The following EIF2B3 variants were observed in gnomAD, a reference collection of about 807,000 sequenced individuals.
EIF2B3 encodes translation initiation factor eIF2B subunit gamma.
In EIF2B3, 20 loss-of-function variants were observed where a neutral mutation model predicts 54.1. The ratio of observed to expected loss-of-function variants is 0.37; its 90% CI spans 0.26 to 0.54. The LOEUF (loss-of-function observed/expected upper bound fraction) is 0.54. EIF2B3 is among the 20% of genes least tolerant of loss of function. The pLI is 0.86. For synonymous variants in EIF2B3, 153 were observed against 188.1 expected (o/e 0.81, Z 1.52); for missense variants, 448 against 547.8 (o/e 0.82, Z 1.82).
At chr1:44,899,981 A>G (rs1643246546) in intron 5 of EIF2B3, among the ~76,000 whole-genome samples, 1 of 152,220 alleles carries the variant, frequency 6.6e-6, no homozygotes. Context: ...TGCAATATAT[A>G]TCATGAAATA....
chr1:44,873,676 T>C (rs1368190420), intron 10 of EIF2B3, among the ~76,000 whole-genome samples: 7 of 152,056 alleles, frequency 4.6e-5, no homozygotes, highest in African/African-American at 1.7e-4. Flanking sequence ...AGTCTTGCTC[T>C]GTCACCCAGG....
chr1:44,872,893 T>C (rs1655009245), intron 10 of EIF2B3, among the ~76,000 whole-genome samples: 1 of 152,192 alleles, frequency 6.6e-6, no homozygotes, highest in Non-Finnish European at 1.5e-5. Context: ...TAGCACAATC[T>C]TAATCAGAGA....
Position 44,881,383 on chromosome 1 carries a change from A to G in EIF2B3, c.784+229T>C, listed in dbSNP as rs146836439. On this transcript the variant is annotated intron_variant, in intron 7 of 11. Transcript: ENST00000360403. The surrounding 1 kb of genome is among the most constrained non-coding windows in gnomAD (Gnocchi z 4.0). Reference sequence around the variant, plus strand: ...CAGCCAAACCAGAGCTATGAATCAGAGAATGGGGCTGGAGGCATGATTAGC... The same window carrying G: ...CAGCCAAACCAGAGCTATGAATCAGGGAATGGGGCTGGAGGCATGATTAGC... Among the ~76,000 whole-genome samples the G allele has an allele frequency of 6.6e-6, 1 of 152,380 alleles. No individual in the cohort carries two copies. Among genetic ancestry groups the G allele is most frequent in the Non-Finnish European group, 1.5e-5 (1 of 68,034 alleles).
chr1:44,871,874 C>CTTTT (rs71040515), intron 10 of EIF2B3, among the ~76,000 whole-genome samples: 23 of 118,874 alleles, frequency 1.9e-4, no homozygotes, highest in Non-Finnish European at 2.4e-4. Context: ...ACTTCACAAT[C>CTTTT]TTTTTTTTTT....
At chr1:44,928,592 A>G (rs1643873229) in intron 4 of EIF2B3, among the ~76,000 whole-genome samples, 1 of 151,972 alleles carries the variant, frequency 6.6e-6, no homozygotes, top group Non-Finnish European at 1.5e-5. Context: ...AAAGTCATCC[A>G]CATTCAACCA....
chr1:44,930,138 C>G (rs557055438), intron 4 of EIF2B3, among the ~76,000 whole-genome samples: 1 of 152,286 alleles, frequency 6.6e-6, no homozygotes, highest in African/African-American at 2.4e-5. Flanking sequence ...CATCTACAGG[C>G]ATTTTGCTTA....
chr1:44,922,477 C>T (rs1027171325), intron 5 of EIF2B3, among the ~76,000 whole-genome samples: 3 of 149,940 alleles, frequency 2.0e-5, no homozygotes, highest in Non-Finnish European at 4.4e-5. Flanking sequence ...ATCCCAGCTA[C>T]TTGGGCGGCT....
At chr1:44,921,999 C>T (rs948836952) in intron 5 of EIF2B3, among the ~76,000 whole-genome samples, 1 of 151,468 alleles carries the variant, frequency 6.6e-6, no homozygotes, top group African/African-American at 2.4e-5. Flanking sequence ...ACTGCAACCT[C>T]CATCTCATGT....
intron 3 of EIF2B3, among the ~76,000 whole-genome samples, chr1:44,975,498 C>T (rs263991): frequency 0.31 from 47,109 of 151,942 alleles, 8,162 homozygotes; most frequent in African/African-American, 0.45. Flanking sequence ...CCATAGGTAA[C>T]TGTAACACAA....
chr1:44,876,150 G>T (rs922348167), intron 8 of EIF2B3, among the ~76,000 whole-genome samples: 1 of 152,118 alleles, frequency 6.6e-6, no homozygotes, highest in East Asian at 1.9e-4. Flanking sequence ...CCTCCCAGCC[G>T]CCTGCCTTGG....
At chr1:44,882,771 T>A (rs1036098543) in intron 6 of EIF2B3, among the ~76,000 whole-genome samples, 1 of 151,918 alleles carries the variant, frequency 6.6e-6, no homozygotes, top group Non-Finnish European at 1.5e-5. Context: ...CATGCCACAA[T>A]GCCTGGCTGT....
At chr1:44,875,951 G>C (rs1655116966) in intron 8 of EIF2B3, among the ~76,000 whole-genome samples, 1 of 152,238 alleles carries the variant, frequency 6.6e-6, no homozygotes, top group Non-Finnish European at 1.5e-5. Context: ...CGCCTGACTG[G>C]TTTTCGTATT....
At chr1:44,964,357 C>A (rs1441217321) in intron 3 of EIF2B3, among the ~76,000 whole-genome samples, 1 of 152,108 alleles carries the variant, frequency 6.6e-6, no homozygotes, top group African/African-American at 2.4e-5. Context: ...CCTTGACCAA[C>A]TGTATTTACT....
At chr1:44,876,304 G>A (rs1001550956) in intron 8 of EIF2B3, among the ~76,000 whole-genome samples, 3 of 148,096 alleles carry the variant, frequency 2.0e-5, no homozygotes, top group East Asian at 2.1e-4. Context: ...AGTGAGGAGC[G>A]TCTCTGCCCG....
intron 3 of EIF2B3, chr1:44,958,589 T>A: frequency 2.1e-6 from 3 of 1,452,434 alleles, no homozygotes; most frequent in Non-Finnish European, 2.9e-6. Context: ...TACTTTGTAA[T>A]TATCAAAAGT....
At chr1:44,979,248 A>G (rs1432843699) in intron 2 of EIF2B3, among the ~76,000 whole-genome samples, 1 of 150,964 alleles carries the variant, frequency 6.6e-6, no homozygotes, top group Non-Finnish European at 1.5e-5. Flanking sequence ...GTCTGTCTCA[A>G]AACAAACAAA....
chr1:44,954,817 T>C (rs1437966119), intron 3 of EIF2B3, among the ~76,000 whole-genome samples: 1 of 152,182 alleles, frequency 6.6e-6, no homozygotes, highest in Non-Finnish European at 1.5e-5. Context: ...TCAAAGGGAA[T>C]GCTTCCAGCT....
At chr1:44,953,473 T>G (rs1167979718) in intron 3 of EIF2B3, among the ~76,000 whole-genome samples, 1 of 152,104 alleles carries the variant, frequency 6.6e-6, no homozygotes, top group African/African-American at 2.4e-5. Context: ...ACTTGCCAAT[T>G]CTCTTTATTA....
chr1:44,937,883 CAAAAAAAAAAAAAAAAAAAAA>C (rs34363661), intron 4 of EIF2B3, among the ~76,000 whole-genome samples: 5 of 33,558 alleles, frequency 1.5e-4, no homozygotes, highest in South Asian at 2.1e-3. Context: ...GACTCCGTCT[CAAAAAAAAAAAAAAAAAAAAA>C]AAAAAAAAAA....
Sources: gnomAD v4.1 joint callset for allele counts (sites outside exome capture counted in the v4.1 genomes callset) on GRCh38, gnomAD v4.1.1 for gene constraint, Gnocchi (gnomAD v3.1) non-coding constraint, MANE v1.5 for transcripts, NCBI Gene and HGNC (gene_info 2026-07-23, HGNC 2026-07-21) for gene names.